SESTD1: variants seen among roughly 807,000 people sequenced by gnomAD.
The protein encoded by SESTD1 is SEC14 and spectrin domain containing 1.
SESTD1 carries 43 observed loss-of-function variants against 101.7 expected under a neutral mutation model. The observed-to-expected ratio is 0.42, with a 90% CI of 0.33 to 0.55. The LOEUF is 0.55. SESTD1 is among the 20% of genes least tolerant of loss of function. SESTD1 has a pLI of 0.07. For synonymous variants in SESTD1, 283 were observed against 286.8 expected, an observed-to-expected ratio of 0.99 and a Z score of 0.13; for missense variants, 647 against 815.1, an observed-to-expected ratio of 0.79 and a Z score of 2.51.
intron 1 of SESTD1, among the ~76,000 whole-genome samples, chr2:179,199,696 G>A (rs1237885180): frequency 2.6e-5 from 4 of 152,068 alleles, no homozygotes; most frequent in Admixed American, 2.6e-4. Context: ...CAGAACCAAA[G>A]ACAAAAACCA....
intron 1 of SESTD1, among the ~76,000 whole-genome samples, chr2:179,253,583 A>G (rs1012385523): frequency 1.3e-5 from 2 of 152,196 alleles, no homozygotes. Context: ...TCCAAGAAGT[A>G]AAAAAAGTAA....
At chr2:179,230,111 C>CTTTTTTTTTTTTTTTTTTTT (rs1559153333) in intron 1 of SESTD1, among the ~76,000 whole-genome samples, 1 of 80,358 alleles carries the variant, frequency 1.2e-5, no homozygotes. Context: ...TGGATTGTAT[C>CTTTTTTTTTTTTTTTTTTTT]TCTTTTTTTT....
intron 1 of SESTD1, among the ~76,000 whole-genome samples, chr2:179,217,012 T>C (rs1574042641): frequency 6.6e-6 from 1 of 151,680 alleles, no homozygotes; most frequent in Admixed American, 6.6e-5. Context: ...AAATGTTAGA[T>C]CTAAAACCAT....
At chr2:179,157,047 C>T (rs2105457417) in intron 5 of SESTD1, among the ~76,000 whole-genome samples, 1 of 152,218 alleles carries the variant, frequency 6.6e-6, no homozygotes, top group South Asian at 2.1e-4. Context: ...TGTGGCTAGC[C>T]AATTATCCCA....
At chr2:179,232,153 T>G (rs1398699147) in intron 1 of SESTD1, among the ~76,000 whole-genome samples, 3 of 152,058 alleles carry the variant, frequency 2.0e-5, no homozygotes, top group Non-Finnish European at 2.9e-5. Context: ...GAAGTAGTAA[T>G]AATGCAAACA....
chr2:179,225,420 T>C (rs1231916848), intron 1 of SESTD1, among the ~76,000 whole-genome samples: 1 of 152,194 alleles, frequency 6.6e-6, no homozygotes, highest in Non-Finnish European at 1.5e-5. Flanking sequence ...TATTCATTTT[T>C]TTAAAGATAT....
intron 5 of SESTD1, among the ~76,000 whole-genome samples, chr2:179,166,704 G>A (rs552317019): frequency 6.6e-6 from 1 of 152,260 alleles, no homozygotes; most frequent in African/African-American, 2.4e-5. Context: ...CTGAGGCGCA[G>A]GTACAAAGGA....
chr2:179,191,938 T>A (rs1029631882), intron 1 of SESTD1, 72 bp from the exon 2 acceptor site: 85 of 1,058,910 alleles, frequency 8.0e-5, no homozygotes, highest in Middle Eastern at 4.1e-4. Flanking sequence ...TAATGATGGT[T>A]TATCCCAGAG....
chr2:179,124,928 T>C (rs2044836245), intron 10 of SESTD1, among the ~76,000 whole-genome samples: 1 of 152,152 alleles, frequency 6.6e-6, no homozygotes, highest in South Asian at 2.1e-4. Context: ...CGTATCCCCT[T>C]TGAAGTGCAT....
chr2:179,163,091 T>C (rs773805289), intron 5 of SESTD1, among the ~76,000 whole-genome samples: 4 of 152,200 alleles, frequency 2.6e-5, no homozygotes, highest in Non-Finnish European at 4.4e-5. Context: ...TTATAACTTA[T>C]GGATCTATAG....
At chr2:179,116,560 A>G (rs757357908) in intron 15 of SESTD1, 108 bp downstream of exon 15, 9 of 1,554,126 alleles carry the variant, frequency 5.8e-6, no homozygotes, top group Non-Finnish European at 7.1e-6. Context: ...CACTTCTGGA[A>G]TAACAAAACT....
Position 179,114,227 on chromosome 2 carries a change from G to A in SESTD1, c.1839+838C>T, listed in dbSNP as rs770978636. Among the ~76,000 whole-genome samples the A allele has an allele frequency of 2.0e-5, 3 of 152,284 alleles. No homozygotes were observed. In the South Asian group the frequency reaches 6.2e-4, roughly 32 times the overall value. Reference sequence around the variant, plus strand: ...GATCTACGGAGTTCAATGACCAGCTGAGAATGAGTTAACTATGGACCCTTC... The same window carrying A: ...GATCTACGGAGTTCAATGACCAGCTAAGAATGAGTTAACTATGGACCCTTC... On this transcript the variant is annotated intron_variant, in intron 16 of 17. Transcript: ENST00000428443.
chr2:179,207,052 C>T (rs1261224549), intron 1 of SESTD1, among the ~76,000 whole-genome samples: 3 of 133,604 alleles, frequency 2.2e-5, no homozygotes, highest in African/African-American at 8.9e-5. Flanking sequence ...GAAACCCCCA[C>T]CCAAAGAGAG....
chr2:179,194,626 C>T (rs2046363981), intron 1 of SESTD1, among the ~76,000 whole-genome samples: 1 of 152,110 alleles, frequency 6.6e-6, no homozygotes, highest in African/African-American at 2.4e-5. Flanking sequence ...ACGGCAATGC[C>T]TTACACTGAT....
In SESTD1 at chr2:179,121,938, A is replaced by G; in HGVS notation, c.1283-9T>C. ...ACCTTGCAATCCCACATCTAAAACAAAAGTTACTAGATTTAATCTCTTACA... is the reference window on the plus strand; with the variant it reads ...ACCTTGCAATCCCACATCTAAAACAGAAGTTACTAGATTTAATCTCTTACA... On this transcript the variant is annotated splice_polypyrimidine_tract_variant and intron_variant, in intron 12 of 17. Transcript: ENST00000428443. The G allele has an allele frequency of 2.5e-6, 4 of 1,593,490 alleles. No individual in the cohort carries two copies. The South Asian group carries it at 4.6e-5, about 18-fold the overall frequency.
rs139884147 is a variant in SESTD1, at chr2:179,225,132, G to C, written c.-25-33266C>G. Among the ~76,000 whole-genome samples, 120 of 152,244 alleles carry C rather than the reference G, an allele frequency of 7.9e-4. 1 individual carries two copies. The highest frequency in any genetic ancestry group is 8.8e-4 in the Non-Finnish European group (60 of 68,008). On this transcript the variant is annotated intron_variant, in intron 1 of 17. Transcript: ENST00000428443. ...TCTCCAGGTAGGCAGTGTTAGAACTGAGTTAAATTACAGGATACCCAGTTG... is the reference window on the plus strand; with the variant it reads ...TCTCCAGGTAGGCAGTGTTAGAACTCAGTTAAATTACAGGATACCCAGTTG...
chr2:179,130,390 T>C (rs1358995848), intron 10 of SESTD1, among the ~76,000 whole-genome samples: 3 of 152,138 alleles, frequency 2.0e-5, no homozygotes, highest in Admixed American at 1.3e-4. Context: ...CTTAAGCACA[T>C]GGGAAGGGCC....
In SESTD1 at chr2:179,122,269, T is replaced by TCTTCCTG. The variant is rs1194953332; in HGVS notation, c.1283-347_1283-341dup. On this transcript the variant is annotated intron_variant, in intron 12 of 17. Coordinates refer to ENST00000428443, the MANE Select transcript of SESTD1 (RefSeq NM_178123.5). ...TAATAGAAAACAATTTTCTGTTTTT[T>TCTTCCTG]CTTCCTGCTTTTATGCTGTCCAACT... is the stretch of plus-strand genomic sequence containing the variant. Among the ~76,000 whole-genome samples, 22 of 152,338 alleles carry TCTTCCTG rather than the reference T, an allele frequency of 1.4e-4. No individual in the cohort carries two copies. In the South Asian group the frequency reaches 4.1e-3, roughly 29 times the overall value.
At chr2:179,225,617 C>A (rs965377593) in intron 1 of SESTD1, among the ~76,000 whole-genome samples, 1 of 152,124 alleles carries the variant, frequency 6.6e-6, no homozygotes, top group South Asian at 2.1e-4. Flanking sequence ...ATGATCAAGG[C>A]ACCACCAGGT....
Sources: gnomAD v4.1 joint callset for allele counts (sites outside exome capture counted in the v4.1 genomes callset) on GRCh38, gnomAD v4.1.1 for gene constraint, MANE v1.5 for transcripts, NCBI Gene and HGNC (gene_info 2026-07-23, HGNC 2026-07-21) for gene names.